The following RADIL variants were observed in gnomAD, a reference collection of about 807,000 sequenced individuals.
The protein encoded by RADIL is ras-associating and dilute domain-containing protein.
Under a neutral mutation model 97.6 loss-of-function variants are expected in RADIL, and 99 were observed. That is an observed-to-expected ratio of 1.01 (90% CI 0.86 to 1.20). The LOEUF (loss-of-function observed/expected upper bound fraction) is 1.20. Ranked by LOEUF, RADIL falls within the 50% of genes most tolerant of loss-of-function variation. The pLI is 0.00. For missense variants in RADIL, 1,765 were observed against 1,498.9 expected (o/e 1.18, Z -2.93); for synonymous variants, 803 against 691.8 (o/e 1.16, Z -2.52).
intron 6 of RADIL, among the ~76,000 whole-genome samples, chr7:4,820,602 C>G (rs114894254): frequency 6.6e-6 from 1 of 152,180 alleles, no homozygotes; most frequent in Non-Finnish European, 1.5e-5. Flanking sequence ...TCCCCACATC[C>G]CCTTCCCTGT....
chr7:4,823,459 C>A (rs888473550), intron 5 of RADIL, among the ~76,000 whole-genome samples: 1 of 151,762 alleles, frequency 6.6e-6, no homozygotes, highest in Non-Finnish European at 1.5e-5. Flanking sequence ...CATGAGCCAC[C>A]ATGCCTAGCC....
In RADIL at chr7:4,879,324, C is replaced by T. The variant is rs1784437600; in HGVS notation, c.-64-1121G>A. 1.3e-5 allele frequency among the ~76,000 whole-genome samples: 2 copies of T among 152,336 alleles called. No homozygotes were observed. Among genetic ancestry groups the T allele is most frequent in the Admixed American group, 6.5e-5 (1 of 15,304 alleles). On this transcript the variant is annotated intron_variant, in intron 1 of 14. Coordinates refer to ENST00000399583, the MANE Select transcript of RADIL (RefSeq NM_018059.5). The surrounding 1 kb of genome is among the most constrained non-coding windows in gnomAD (Gnocchi z 4.1). ...ATGGTTTCTCAGTCTCCCTCCAGAA[C>T]CTCTGTGGGGGCAGGAGGGCAGAGA...
At chr7:4,859,252 G>C (rs1031840871) in intron 2 of RADIL, 1 of 152,576 alleles carries the variant, frequency 6.6e-6, no homozygotes, top group African/African-American at 2.4e-5. Context: ...TCACCAATTT[G>C]AAAAATCTAA....
In RADIL at chr7:4,809,278, C is replaced by G. The variant is rs941306851; in HGVS notation, c.2140-3562G>C. 5 of 985,276 alleles carry G rather than the reference C, an allele frequency of 5.1e-6. No individual in the cohort carries two copies. The African/African-American group carries it at 7.0e-5, about 14-fold the overall frequency. 61.0% of individuals were successfully genotyped at this position (985,276 alleles called of 1,614,324 possible). On this transcript the variant is annotated intron_variant, in intron 9 of 14. Transcript: ENST00000399583. ...AAGCTGGGCGAGAGGCCGGGGCCCC[C>G]CTTCCATCACGAGGTTCCTGCCCTC...
At chr7:4,800,588 G>A (rs773962209) in intron 12 of RADIL, among the ~76,000 whole-genome samples, 2 of 152,064 alleles carry the variant, frequency 1.3e-5, no homozygotes, top group African/African-American at 4.8e-5. Flanking sequence ...CTGTTTTCCA[G>A]CTCCAGGGAC....
intron 2 of RADIL, among the ~76,000 whole-genome samples, chr7:4,866,942 A>C (rs917387005): frequency 2.0e-5 from 3 of 152,294 alleles, no homozygotes; most frequent in Middle Eastern, 3.4e-3. Context: ...GTTTCCAAGA[A>C]CAGTAGGCTG....
chr7:4,799,765 G>T lies in RADIL; in HGVS notation c.2987C>A (p.Thr996Lys). 6.5e-7 allele frequency: 1 copy of T among 1,529,558 alleles called. No homozygotes were observed. The highest frequency in any genetic ancestry group is 8.7e-7 in the Non-Finnish European group (1 of 1,143,406). 94.7% of individuals were successfully genotyped at this position (1,529,558 alleles called of 1,614,324 possible). Residue 996 changes from threonine (T) to lysine (K), a missense_variant, in exon 14 of 15, where the codon ACG becomes AAG. Transcript: ENST00000399583. Reference sequence around the variant, plus strand: ...GTAGAGCCCGGGGGCGCCCAGGTGCGTGTGCTGGGGACAAGCAGAGGCCTC... The same window carrying T: ...GTAGAGCCCGGGGGCGCCCAGGTGCTTGTGCTGGGGACAAGCAGAGGCCTC... ...LGMGLIDGMH[T>K]HLGAPGLYIQ...
At chr7:4,862,672 G>A (rs913817980) in intron 2 of RADIL, among the ~76,000 whole-genome samples, 8 of 152,070 alleles carry the variant, frequency 5.3e-5, no homozygotes, top group Non-Finnish European at 8.8e-5. Flanking sequence ...AGGCCGAGGC[G>A]GGCAGATCAC....
intron 10 of RADIL, chr7:4,805,170 G>A (rs951551632): frequency 9.2e-6 from 2 of 216,234 alleles, no homozygotes; most frequent in Non-Finnish European, 1.8e-5. Flanking sequence ...CCTCCGTATG[G>A]ACATGTGTGT....
chr7:4,881,588 ATGG>A (rs1784488491), intron 1 of RADIL, among the ~76,000 whole-genome samples: 1 of 148,408 alleles, frequency 6.7e-6, no homozygotes, highest in African/African-American at 2.5e-5. Context: ...TTAGCTGGGC[ATGG>A]TGGCGGGTGC....
In RADIL at chr7:4,873,598, C is replaced by T. The variant is rs913726742; in HGVS notation, c.535+4007G>A. 2.6e-5 allele frequency among the ~76,000 whole-genome samples: 4 copies of T among 152,194 alleles called. No individual in the cohort carries two copies. The highest frequency in any genetic ancestry group is 5.9e-5 in the Non-Finnish European group (4 of 68,042). ...AGGGGCAGATGTGATCCTGCCATCC[C>T]GCCGTCCTTTTGAAACTACACCACC... is the stretch of plus-strand genomic sequence containing the variant. On this transcript the variant is annotated intron_variant, in intron 2 of 14. Coordinates refer to ENST00000399583, the MANE Select transcript of RADIL (RefSeq NM_018059.5). This position sits in a 1 kb window ranked among gnomAD's most constrained non-coding sequence, Gnocchi z 4.3.
At chr7:4,803,317 G>C (rs1214644685) in intron 11 of RADIL, among the ~76,000 whole-genome samples, 1 of 100,780 alleles carries the variant, frequency 9.9e-6, no homozygotes, top group Non-Finnish European at 1.9e-5. Flanking sequence ...CCCTCCCCGG[G>C]CACCTCAGGG....
At position 4,853,798 on chromosome 7, in the gene RADIL, T is replaced by G. The variant is rs183762979; in HGVS notation, c.536-17193A>C. On this transcript the variant is annotated intron_variant, in intron 2 of 14. Coordinates refer to ENST00000399583, the MANE Select transcript of RADIL (RefSeq NM_018059.5). ...TACATGGAAAGTTATTTGGAAGTGA[T>G]TTTGAACTTCTAAATATATGTGTGT... is the stretch of plus-strand genomic sequence containing the variant. Among the ~76,000 whole-genome samples the G allele has an allele frequency of 1.8e-4, 28 of 151,712 alleles. No individual in the cohort carries two copies. In the East Asian group the frequency reaches 3.3e-3, roughly 18 times the overall value.
chr7:4,834,873 C>T lies in RADIL; in HGVS notation c.1150G>A (p.Ala384Thr). ...AVPQSCRLCG[A>T]ALGARGAASP... ...GCGGCTCCCCGGGCCCCGAGCGCGG[C>T]CCCGCACAGCCGGCAGCTCTGCGGC... Residue 384 changes from alanine to threonine, a missense_variant, in exon 4 of 15, where the codon GCC (alanine) becomes ACC (threonine). Coordinates refer to ENST00000399583, the MANE Select transcript of RADIL (RefSeq NM_018059.5). This position sits in a 1 kb window ranked among gnomAD's most constrained non-coding sequence, Gnocchi z 6.0. 4.9e-6 allele frequency: 7 copies of T among 1,421,388 alleles called. No individual in the cohort carries two copies. The highest frequency in any genetic ancestry group is 6.4e-6 in the Non-Finnish European group (7 of 1,090,298). 88.0% of individuals were successfully genotyped at this position (1,421,388 alleles called of 1,614,324 possible). A position where few individuals can be genotyped will look rare whatever the true frequency, so the allele number is the denominator to read the frequency against.
intron 9 of RADIL, 70 bp from the exon 10 acceptor site, chr7:4,805,786 T>A: frequency 6.5e-7 from 1 of 1,534,734 alleles, no homozygotes; most frequent in Non-Finnish European, 8.8e-7. Flanking sequence ...AGGGATGGCC[T>A]CCACAGGTGG....
chr7:4,853,073 A>C (rs4724112), intron 2 of RADIL, among the ~76,000 whole-genome samples: 52,990 of 151,876 alleles, frequency 0.35, 9,705 homozygotes, highest in African/African-American at 0.46. Flanking sequence ...TAAGAGGATG[A>C]GACTGGGGGA....
At position 4,837,866 on chromosome 7, in the gene RADIL, C is replaced by G. The variant is rs896754179; in HGVS notation, c.536-1261G>C. 2 of 985,328 alleles carry G rather than the reference C, an allele frequency of 2.0e-6. No homozygotes were observed. The highest frequency in any genetic ancestry group is 4.7e-5 in the South Asian group (1 of 21,292). The allele number at this position is 985,328 out of a possible 1,614,324, so 61.0% of individuals were successfully genotyped here. A position where few individuals can be genotyped will look rare whatever the true frequency, so the allele number is the denominator to read the frequency against. Reference sequence around the variant, plus strand: ...GACCCGGCGCTGTCTTTTCTGAGCCCTCTGCTGAGTTCCCTGTACGCAGCC... The same window carrying G: ...GACCCGGCGCTGTCTTTTCTGAGCCGTCTGCTGAGTTCCCTGTACGCAGCC... On this transcript the variant is annotated intron_variant, in intron 2 of 14. Transcript: ENST00000399583. The surrounding 1 kb of genome is among the most constrained non-coding windows in gnomAD (Gnocchi z 5.6).
chr7:4,817,375 T>C lies in RADIL; in HGVS notation c.1616-24A>G. ...GCCTGCCGGGAGACAGCCACGCCAA[T>C]GGTCACAACGGGCACAGCGCTCAGG... is the stretch of plus-strand genomic sequence containing the variant. On this transcript the variant is annotated intron_variant, in intron 6 of 14. Transcript: ENST00000399583. This position sits in a 1 kb window ranked among gnomAD's most constrained non-coding sequence, Gnocchi z 8.3. The C allele has an allele frequency of 3.7e-6, 6 of 1,600,724 alleles. No homozygotes were observed. The highest frequency in any genetic ancestry group is 5.1e-6 in the Non-Finnish European group (6 of 1,172,416).
In RADIL at chr7:4,817,961, TC is replaced by T. The variant is rs2115190624; in HGVS notation, c.1616-611del. 1.3e-5 allele frequency among the ~76,000 whole-genome samples: 2 copies of T among 152,208 alleles called. No homozygotes were observed. Among genetic ancestry groups the T allele is most frequent in the East Asian group, 3.9e-4 (2 of 5,154 alleles). ...CAGGGTGGAGCCTTCCCCGGGGGCTTCCAGAAAGTGAGGGAGCATGTGGTGG... is the reference window on the plus strand; with the variant it reads ...CAGGGTGGAGCCTTCCCCGGGGGCTTCAGAAAGTGAGGGAGCATGTGGTGG... On this transcript the variant is annotated intron_variant, in intron 6 of 14. Coordinates refer to ENST00000399583, the MANE Select transcript of RADIL (RefSeq NM_018059.5). The surrounding 1 kb of genome is among the most constrained non-coding windows in gnomAD (Gnocchi z 8.3).
Sources: gnomAD v4.1 joint callset for allele counts (sites outside exome capture counted in the v4.1 genomes callset) on GRCh38, gnomAD v4.1.1 for gene constraint, Gnocchi (gnomAD v3.1) non-coding constraint, MANE v1.5 for transcripts, NCBI Gene and HGNC (gene_info 2026-07-23, HGNC 2026-07-21) for gene names.